RBFOX1: variants seen among roughly 807,000 people sequenced by gnomAD.
The protein encoded by RBFOX1 is RNA binding fox-1 homolog 1.
In RBFOX1, 8 loss-of-function variants were observed where a neutral mutation model predicts 57.7. The ratio of observed to expected loss-of-function variants is 0.14; its 90% CI spans 0.08 to 0.25. The LOEUF is 0.25. Among genes scored for constraint, RBFOX1 ranks in the 10% least tolerant of loss-of-function variants. The probability of loss-of-function intolerance (pLI) is 1.00; values close to 1 mark genes in which losing one functional copy is unlikely to be tolerated. For synonymous variants in RBFOX1, 326 were observed against 222.4 expected (o/e 1.47, Z -4.15); for missense variants, 611 against 548.5 (o/e 1.11, Z -1.14).
intron 1 of RBFOX1, among the ~76,000 whole-genome samples, chr16:5,383,223 C>A (rs1179780848): frequency 6.6e-6 from 1 of 152,140 alleles, no homozygotes. Context: ...TAGGGGGCAA[C>A]CTTGAGGGCC....
chr16:6,550,190 G>C (rs188141572), intron 2 of RBFOX1, among the ~76,000 whole-genome samples: 5 of 151,970 alleles, frequency 3.3e-5, no homozygotes, highest in African/African-American at 1.2e-4. Context: ...TTTGGGGGTT[G>C]GCGGGGGGAC....
intron 3 of RBFOX1, among the ~76,000 whole-genome samples, chr16:6,927,619 G>A (rs1393391602): frequency 6.6e-6 from 1 of 151,966 alleles, no homozygotes; most frequent in South Asian, 2.1e-4. Flanking sequence ...ATTTAGCAGG[G>A]GCTTAATAGA....
chr16:7,483,553 T>C (rs1290242050), intron 4 of RBFOX1, among the ~76,000 whole-genome samples: 2 of 152,358 alleles, frequency 1.3e-5, no homozygotes, highest in East Asian at 3.9e-4. Context: ...AACCTTGTTA[T>C]CTACAGACAT....
intron 4 of RBFOX1, among the ~76,000 whole-genome samples, chr16:7,421,644 G>A (rs2098543688): frequency 6.6e-6 from 1 of 152,228 alleles, no homozygotes; most frequent in African/African-American, 2.4e-5. Context: ...TCCAGAGACT[G>A]CAGGCTTACT....
intron 4 of RBFOX1, among the ~76,000 whole-genome samples, chr16:7,449,179 C>G (rs915399418): frequency 2.6e-5 from 4 of 152,038 alleles, no homozygotes; most frequent in Non-Finnish European, 5.9e-5. Flanking sequence ...TCCACCTGCC[C>G]TAGCCTCCCA....
At chr16:7,045,243 T>A (rs1428250628) in intron 3 of RBFOX1, among the ~76,000 whole-genome samples, 1 of 151,958 alleles carries the variant, frequency 6.6e-6, no homozygotes, top group Non-Finnish European at 1.5e-5. Context: ...GGCAACCAGT[T>A]TACTAATAAT....
At chr16:7,363,913 G>T (rs1023670702) in intron 4 of RBFOX1, among the ~76,000 whole-genome samples, 1 of 152,114 alleles carries the variant, frequency 6.6e-6, no homozygotes, top group African/African-American at 2.4e-5. Context: ...TGGCACTTCA[G>T]CAGAAGTGGG....
chr16:6,603,625 C>T (rs376251358), intron 2 of RBFOX1, among the ~76,000 whole-genome samples: 20 of 152,122 alleles, frequency 1.3e-4, no homozygotes, highest in Admixed American at 3.3e-4. Context: ...CCCGGGCAGC[C>T]GCTATGTGCA....
At chr16:7,633,678 T>C (rs1040054799) in intron 11 of RBFOX1, among the ~76,000 whole-genome samples, 3 of 152,194 alleles carry the variant, frequency 2.0e-5, no homozygotes, top group African/African-American at 2.4e-5. Context: ...CAATCTCGAT[T>C]AGTATTTTGT....
At chr16:6,062,619 A>AC (rs2095702451) in intron 1 of RBFOX1, among the ~76,000 whole-genome samples, 2 of 135,560 alleles carry the variant, frequency 1.5e-5, no homozygotes, top group Admixed American at 8.0e-5. Context: ...ATAATATATA[A>AC]ATATATATAA....
At chr16:5,472,582 G>T (rs1426366865) in intron 2 of RBFOX1, among the ~76,000 whole-genome samples, 3 of 152,080 alleles carry the variant, frequency 2.0e-5, no homozygotes, top group Non-Finnish European at 2.9e-5. Context: ...TCTTCTTCTC[G>T]TCTTCCAGGC....
At chr16:5,582,356 C>G (rs552054538) in intron 2 of RBFOX1, among the ~76,000 whole-genome samples, 2 of 152,118 alleles carry the variant, frequency 1.3e-5, no homozygotes, top group African/African-American at 4.8e-5. Context: ...GGGCATTGGA[C>G]TGGAGCCGGT....
At chr16:5,893,046 C>A (rs191756496) in intron 4 of RBFOX1, among the ~76,000 whole-genome samples, 2 of 152,328 alleles carry the variant, frequency 1.3e-5, no homozygotes, top group East Asian at 3.9e-4. Flanking sequence ...TTCAGTGACC[C>A]AACCCAGCTG....
intron 3 of RBFOX1, among the ~76,000 whole-genome samples, chr16:5,645,603 A>C (rs751826764): frequency 6.6e-6 from 1 of 152,188 alleles, no homozygotes; most frequent in Non-Finnish European, 1.5e-5. Flanking sequence ...ATATACATTG[A>C]CCTGTTCCTT....
At chr16:5,896,809 T>C (rs2058175151) in intron 4 of RBFOX1, among the ~76,000 whole-genome samples, 1 of 152,080 alleles carries the variant, frequency 6.6e-6, no homozygotes, top group Non-Finnish European at 1.5e-5. Flanking sequence ...CCAGTGTTCT[T>C]GCAAGTAACA....
chr16:6,755,821 C>G (rs1339638180), intron 3 of RBFOX1, among the ~76,000 whole-genome samples: 2 of 152,110 alleles, frequency 1.3e-5, no homozygotes, highest in Non-Finnish European at 2.9e-5. Flanking sequence ...AGCGATTATA[C>G]TTAAAGTAAT....
chr16:6,720,231 C>G (rs1318476000), intron 3 of RBFOX1, among the ~76,000 whole-genome samples: 1 of 152,078 alleles, frequency 6.6e-6, no homozygotes, highest in South Asian at 2.1e-4. Context: ...TAATGAAATA[C>G]TGCTGAATGT....
intron 2 of RBFOX1, among the ~76,000 whole-genome samples, chr16:5,563,879 C>A (rs1274545840): frequency 6.6e-6 from 1 of 152,164 alleles, no homozygotes; most frequent in African/African-American, 2.4e-5. Flanking sequence ...CACTAACCTG[C>A]TGTCTGTTAC....
chr16:7,301,552 C>A (rs1164991852), intron 4 of RBFOX1, among the ~76,000 whole-genome samples: 1 of 152,130 alleles, frequency 6.6e-6, no homozygotes, highest in Admixed American at 6.5e-5. Context: ...ACTGGAAAAT[C>A]TGTATTGCCT....
Sources: gnomAD v4.1 joint callset for allele counts (sites outside exome capture counted in the v4.1 genomes callset) on GRCh38, gnomAD v4.1.1 for gene constraint, MANE v1.5 for transcripts, NCBI Gene and HGNC (gene_info 2026-07-23, HGNC 2026-07-21) for gene names.